The following ST6GALNAC1 variants were observed in gnomAD, a reference collection of about 807,000 sequenced individuals.
ST6GALNAC1 encodes ST6 N-acetylgalactosaminide alpha-2,6-sialyltransferase 1, also known as alpha-N-acetylgalactosaminide alpha-2,6-sialyltransferase 1.
A neutral mutation model predicts 56.8 loss-of-function variants in ST6GALNAC1; 45 were observed. That is an observed-to-expected ratio of 0.79 (90% CI 0.62 to 1.02). The LOEUF is 1.02. Among genes scored for constraint, ST6GALNAC1 ranks in the 50% least tolerant of loss-of-function variants. The pLI, the probability that ST6GALNAC1 is intolerant of heterozygous loss-of-function variation, is 0.00. For synonymous variants in ST6GALNAC1, 295 were observed against 297.8 expected (o/e 0.99, Z 0.10); for missense variants, 743 against 754.8 (o/e 0.98, Z 0.18).
In ST6GALNAC1 at chr17:76,643,572, C is replaced by A; in HGVS notation, c.67G>T (p.Val23Phe). 6.2e-7 allele frequency: 1 copy of A among 1,614,148 alleles called. No individual in the cohort carries two copies. The highest frequency in any genetic ancestry group is 1.3e-5 in the African/African-American group (1 of 75,066). ...AAGGCGAAGAGAAAGAAGACCAGGA[C>A]AGCCAGAAGCAAGGACCACTGGACG... is the stretch of plus-strand genomic sequence containing the variant. ...QGVQWSLLLA[V>F]LVFFLFALPS... Residue 23 changes from valine (V) to phenylalanine (F), a missense_variant, in exon 1 of 9, where the codon GTC (valine) becomes TTC (phenylalanine). By Grantham distance (50) the Val-to-Phe change is conservative (BLOSUM62 -1). Coordinates refer to ENST00000156626, the MANE Select transcript of ST6GALNAC1 (RefSeq NM_018414.5).
rs1355407823 is a variant in ST6GALNAC1, at chr17:76,625,885, G to T, written c.1539C>A (p.His513Gln). 8.3e-6 allele frequency: 13 copies of T among 1,565,212 alleles called. No individual in the cohort carries two copies. The highest frequency in any genetic ancestry group is 1.1e-5 in the Non-Finnish European group (13 of 1,156,904). Residue 513 changes from histidine (H) to glutamine (Q), a missense_variant, in exon 8 of 9, where the codon CAC becomes CAA. Coordinates refer to ENST00000156626, the MANE Select transcript of ST6GALNAC1 (RefSeq NM_018414.5). ...FLRSKTLDGA[H>Q]WRIYRPTTGA... The stretch of plus-strand genomic sequence containing the variant: ...CAGTGGTGGGGCGGTATATCCTCCA[G>T]TGGGCACCATCCAGGGTCTTAGACC...
At chr17:76,638,110 CT>C (rs397744489) in intron 1 of ST6GALNAC1, among the ~76,000 whole-genome samples, 1,951 of 132,770 alleles carry the variant, frequency 0.015, 42 homozygotes, top group African/African-American at 0.042. Flanking sequence ...ACAGCTCACT[CT>C]TTTTTTTTTT....
At chr17:76,635,874 A>G (rs1897865728) in intron 1 of ST6GALNAC1, among the ~76,000 whole-genome samples, 2 of 152,178 alleles carry the variant, frequency 1.3e-5, no homozygotes, top group African/African-American at 4.8e-5. Context: ...CAGCTGCCTT[A>G]AAGTGTCATC....
chr17:76,626,783 G>A lies in ST6GALNAC1; in HGVS notation c.1179C>T (p.Ser393=), dbSNP rs369816638. The part of the protein sequence containing the change: ...IDSHDYVFRL[S]GALIKGYEQD... ...GTTCGTAGCCTTTAATGAGAGCTCC[G>A]CTCAATCTGTGCAGAAAGACACAAT... Residue 393 remains serine (S), a synonymous_variant, in exon 5 of 9, where the codon AGC becomes AGT. Transcript: ENST00000156626. The A allele has an allele frequency of 6.8e-6, 11 of 1,613,898 alleles. No individual in the cohort carries two copies. Among genetic ancestry groups the A allele is most frequent in the Admixed American group, 3.3e-5 (2 of 59,978 alleles).
the ST6GALNAC1 span, among the ~76,000 whole-genome samples, chr17:76,619,740 GTTTTTTTT>G: frequency 4.2e-4 from 43 of 101,584 alleles, 1 homozygote; most frequent in African/African-American, 8.2e-4. Flanking sequence ...AATAATGTTA[GTTTTTTTT>G]TTTTTTTTTT....
intron 1 of ST6GALNAC1, among the ~76,000 whole-genome samples, chr17:76,630,096 T>G (rs757829006): frequency 4.6e-5 from 7 of 152,038 alleles, no homozygotes; most frequent in Non-Finnish European, 7.4e-5. Flanking sequence ...AGAAAATAGA[T>G]TCAAACAAAA....
chr17:76,635,954 T>A (rs1366882906), intron 1 of ST6GALNAC1, among the ~76,000 whole-genome samples: 1 of 152,184 alleles, frequency 6.6e-6, no homozygotes, highest in South Asian at 2.1e-4. Flanking sequence ...CTCGGGGGGA[T>A]ACTTTGGTAT....
At chr17:76,631,338 C>T (rs542180609) in intron 1 of ST6GALNAC1, among the ~76,000 whole-genome samples, 1 of 152,078 alleles carries the variant, frequency 6.6e-6, no homozygotes, top group Non-Finnish European at 1.5e-5. Context: ...ATATTTCTAA[C>T]CAGAAAGGAG....
rs1395144662 is a variant in ST6GALNAC1 at position 76,629,621 on chromosome 17, G to T, written c.222C>A (p.Thr74=). The T allele has an allele frequency of 6.2e-7, 1 of 1,613,594 alleles. No homozygotes were observed. Among genetic ancestry groups the T allele is most frequent in the East Asian group, 2.2e-5 (1 of 44,876 alleles). The change falls in exon 2 of 9, where the codon ACC becomes ACA. Residue 74 remains threonine (T), a synonymous_variant. Coordinates refer to ENST00000156626, the MANE Select transcript of ST6GALNAC1 (RefSeq NM_018414.5). The part of the protein sequence containing the change: ...SQAPTRARRT[T]IYAEPVPENN... ...TCTCTGGCACTGGCTCTGCATAGAT[G>T]GTTGTCCTCCTTGCCCTTGTGGGTG...
intron 1 of ST6GALNAC1, among the ~76,000 whole-genome samples, chr17:76,630,933 C>T (rs1433672824): frequency 1.4e-5 from 2 of 147,246 alleles, no homozygotes; most frequent in Non-Finnish European, 3.0e-5. Context: ...CTTGCTCTGT[C>T]GCCCAGGTTG....
intron 1 of ST6GALNAC1, among the ~76,000 whole-genome samples, chr17:76,638,602 C>T (rs73352099): frequency 0.2 from 29,698 of 151,714 alleles, 3,735 homozygotes; most frequent in African/African-American, 0.36. Context: ...TTTTCTGAGA[C>T]GGAGTTTCAC....
In ST6GALNAC1 at chr17:76,627,237, C is replaced by T. The variant is rs565756835; in HGVS notation, c.1002G>A (p.Leu334=). 6.4e-7 allele frequency: 1 copy of T among 1,561,558 alleles called. No homozygotes were observed. The highest frequency in any genetic ancestry group is 1.2e-5 in the South Asian group (1 of 81,958). ...GGAAGCGTGTCACGACCTTCTGCAC[C>T]ACTGGAACAAGAGTGGGGGTGCTCC... is the stretch of plus-strand genomic sequence containing the variant. ...PFGFMELNYS[L]VQKVVTRFPP... Residue 334 remains leucine, a splice_region_variant and synonymous_variant, in exon 4 of 9, where the codon TTG becomes TTA. Transcript: ENST00000156626. This position sits in a 1 kb window ranked among gnomAD's most constrained non-coding sequence, Gnocchi z 4.4.
rs773475717 is a variant in ST6GALNAC1, at chr17:76,629,184, G to A, written c.659C>T (p.Thr220Ile). The A allele has an allele frequency of 2.5e-6, 4 of 1,614,032 alleles. No individual in the cohort carries two copies. Among genetic ancestry groups the A allele is most frequent in the South Asian group, 2.2e-5 (2 of 91,080 alleles). ...VSTRTRQKGVTTAVIPPKEKK... is the reference protein window; with the variant it reads ...VSTRTRQKGVITAVIPPKEKK... The stretch of plus-strand genomic sequence containing the variant: ...CTCCTTAGGTGGGATGACTGCTGTG[G>A]TCACTCCTTTCTGTCTCGTCCTTGT... The change falls in exon 2 of 9, where the codon ACC (threonine) becomes ATC (isoleucine). Residue 220 changes from threonine to isoleucine, a missense_variant. Transcript: ENST00000156626.
intron 1 of ST6GALNAC1, among the ~76,000 whole-genome samples, chr17:76,635,877 GT>G (rs1428622835): frequency 6.6e-6 from 1 of 152,140 alleles, no homozygotes; most frequent in Non-Finnish European, 1.5e-5. Context: ...CTGCCTTAAA[GT>G]GTCATCGGTA....
At chr17:76,623,608 T>TTATC (rs1438460211), downstream of ST6GALNAC1, among the ~76,000 whole-genome samples, 2 of 152,242 alleles carry the variant, frequency 1.3e-5, no homozygotes, top group African/African-American at 4.8e-5. Flanking sequence ...CTCTACTTGA[T>TTATC]TATCATTTAT....
In ST6GALNAC1 at chr17:76,624,871, A is replaced by G. The variant is rs539017220; in HGVS notation, c.*459T>C. ...AAATAGCTTAAAGACAAGGACAAGT[A>G]TAGACCCTTCTAGAATCAGATAACT... On this transcript the variant is annotated 3_prime_UTR_variant, in exon 9 of 9. Coordinates refer to ENST00000156626, the MANE Select transcript of ST6GALNAC1 (RefSeq NM_018414.5). 9.5e-4 allele frequency: 172 copies of G among 182,006 alleles called. 1 individual carries two copies. Among genetic ancestry groups the G allele is most frequent in the Non-Finnish European group, 1.8e-3 (157 of 85,768 alleles). The allele number at this position is 182,006 out of a possible 1,614,324, so 11.3% of individuals were successfully genotyped here.
intron 1 of ST6GALNAC1, among the ~76,000 whole-genome samples, chr17:76,642,813 T>C (rs1329272502): frequency 6.6e-6 from 1 of 150,620 alleles, no homozygotes; most frequent in Non-Finnish European, 1.5e-5. Flanking sequence ...GCGCCTGTAG[T>C]CCCAGCTACT....
intron 1 of ST6GALNAC1, among the ~76,000 whole-genome samples, chr17:76,632,700 T>C (rs1269802662): frequency 2.0e-5 from 3 of 152,206 alleles, no homozygotes; most frequent in Non-Finnish European, 2.9e-5. Flanking sequence ...ATTGTATCCA[T>C]ATGCTGAGTG....
intron 1 of ST6GALNAC1, among the ~76,000 whole-genome samples, chr17:76,641,430 G>GA (rs1320723895): frequency 1.3e-5 from 2 of 151,622 alleles, no homozygotes; most frequent in African/African-American, 4.8e-5. Context: ...CTACAAATAT[G>GA]AAAAAAATAA....
Sources: allele counts gnomAD v4.1 joint callset (sites outside exome capture counted in the v4.1 genomes callset), GRCh38; gene constraint gnomAD v4.1.1; non-coding constraint Gnocchi (gnomAD v3.1); transcripts MANE v1.5; gene names NCBI Gene and HGNC (gene_info 2026-07-23, HGNC 2026-07-21).